MAL2: variants seen among roughly 807,000 people sequenced by gnomAD.
MAL2 encodes the protein mal, T cell differentiation protein 2, also known as protein MAL2.
In MAL2, 17 loss-of-function variants were observed where a neutral mutation model predicts 18.1. The ratio of observed to expected loss-of-function variants is 0.94; its 90% CI spans 0.64 to 1.41. MAL2 has a LOEUF of 1.41. MAL2 is among the 40% of genes most tolerant of loss of function. The pLI is 0.00. For synonymous variants in MAL2, 102 were observed against 102.3 expected (o/e 1.00, Z 0.02); for missense variants, 222 against 231.9 (o/e 0.96, Z 0.28).
chr8:119,239,940 A>G (rs1818011077), intron 2 of MAL2, among the ~76,000 whole-genome samples: 1 of 152,170 alleles, frequency 6.6e-6, no homozygotes, highest in African/African-American at 2.4e-5. Flanking sequence ...TATAAAATTC[A>G]GTATATGGAA....
At position 119,222,997 on chromosome 8, in the gene MAL2, A is replaced by G. The variant is rs537568279; in HGVS notation, c.303+1240A>G. On this transcript the variant is annotated intron_variant, in intron 2 of 3. Transcript: ENST00000614891. Reference sequence around the variant, plus strand: ...TCAGAGGATCACAGTGCTTCAGGGAAGTTCAGGAAGAACCCCCATTAGGTT... The same window carrying G: ...TCAGAGGATCACAGTGCTTCAGGGAGGTTCAGGAAGAACCCCCATTAGGTT... Among the ~76,000 whole-genome samples, 15 of 152,324 alleles carry G rather than the reference A, an allele frequency of 9.8e-5. No homozygotes were observed. In the South Asian group the frequency reaches 2.7e-3, roughly 27 times the overall value.
intron 2 of MAL2, among the ~76,000 whole-genome samples, chr8:119,228,721 CAG>C (rs1281412829): frequency 9.9e-5 from 15 of 152,266 alleles, no homozygotes; most frequent in Non-Finnish European, 8.8e-5. Flanking sequence ...GGCTCAAGCT[CAG>C]AGAGTCATAA....
chr8:119,238,578 A>C (rs28766987), intron 2 of MAL2, among the ~76,000 whole-genome samples: 1 of 148,474 alleles, frequency 6.7e-6, no homozygotes, highest in African/African-American at 2.5e-5. Context: ...CAAAACAGAG[A>C]TATAGATCAA....
At chr8:119,240,702 T>C (rs1031475250) in intron 3 of MAL2, among the ~76,000 whole-genome samples, 1 of 152,196 alleles carries the variant, frequency 6.6e-6, no homozygotes, top group African/African-American at 2.4e-5. Context: ...TTTATTTCTA[T>C]TGAATGAATA....
chr8:119,239,845 A>T (rs556944882), intron 2 of MAL2, among the ~76,000 whole-genome samples: 1 of 146,470 alleles, frequency 6.8e-6, no homozygotes, highest in Non-Finnish European at 1.5e-5. Flanking sequence ...AGCATGGCAC[A>T]TGTATACATA....
intron 1 of MAL2, among the ~76,000 whole-genome samples, chr8:119,210,090 T>G (rs1218060009): frequency 1.3e-5 from 2 of 152,206 alleles, no homozygotes. Context: ...TGTACTAGAA[T>G]TTACAGACAG....
chr8:119,232,138 C>G lies in MAL2; in HGVS notation c.304-8027C>G, dbSNP rs559307456. Among the ~76,000 whole-genome samples, 60 of 151,852 alleles carry G rather than the reference C, an allele frequency of 4.0e-4. 1 individual carries two copies. In the South Asian group the frequency reaches 0.012, roughly 30 times the overall value. ...TATTTATGTATATATAAATTAGCTC[C>G]ACTTAGCCATCCCACAATGTATAAA... On this transcript the variant is annotated intron_variant, in intron 2 of 3. Coordinates refer to ENST00000614891, the MANE Select transcript of MAL2 (RefSeq NM_052886.3).
chr8:119,238,528 C>G (rs1191510252), intron 2 of MAL2, among the ~76,000 whole-genome samples: 3 of 150,710 alleles, frequency 2.0e-5, no homozygotes, highest in South Asian at 4.2e-4. Flanking sequence ...TCAAACTATA[C>G]TACAAGGCTA....
Position 119,244,550 on chromosome 8 carries a change from A to G in MAL2, c.*1062A>G, listed in dbSNP as rs2468190. On this transcript the variant is annotated 3_prime_UTR_variant, in exon 4 of 4. Transcript: ENST00000614891. ...GTTTGCCCTGTGCATGAATATACCCATATTTGTGTGTGGATATGTGAAGCT... is the reference window on the plus strand; with the variant it reads ...GTTTGCCCTGTGCATGAATATACCCGTATTTGTGTGTGGATATGTGAAGCT... 2.6e-5 allele frequency: 4 copies of G among 152,088 alleles called. No individual in the cohort carries two copies. Among genetic ancestry groups the G allele is most frequent in the Non-Finnish European group, 5.9e-5 (4 of 68,022 alleles). The allele number at this position is 152,088 out of a possible 1,614,324, so 9.4% of individuals were successfully genotyped here.
chr8:119,221,784 T>C, intron 2 of MAL2, 27 bp downstream of exon 2: 1 of 1,608,640 alleles, frequency 6.2e-7, no homozygotes. Context: ...TTAAGTCTAT[T>C]GCAGGAAGAT....
intron 3 of MAL2, 105 bp downstream of exon 3, chr8:119,240,425 A>G: frequency 8.4e-7 from 1 of 1,192,336 alleles, no homozygotes; most frequent in African/African-American, 1.5e-5. Context: ...AATGCTAGCC[A>G]TTGGCATTAA....
chr8:119,243,690 T>C lies in MAL2; in HGVS notation c.*202T>C. On this transcript the variant is annotated 3_prime_UTR_variant, in exon 4 of 4. Transcript: ENST00000614891. The stretch of plus-strand genomic sequence containing the variant: ...TGATATTAAAGAAATGGCCTTTTAT[T>C]TTACATCTCTCCCCTTTTTCCCTTT... 2.5e-6 allele frequency: 1 copy of C among 399,908 alleles called. No homozygotes were observed. The highest frequency in any genetic ancestry group is 4.4e-6 in the Non-Finnish European group (1 of 226,508). The allele number at this position is 399,908 out of a possible 1,614,324, so 24.8% of individuals were successfully genotyped here. A position where few individuals can be genotyped will look rare whatever the true frequency, so the allele number is the denominator to read the frequency against.
intron 2 of MAL2, among the ~76,000 whole-genome samples, chr8:119,231,033 TA>T: frequency 6.6e-6 from 1 of 152,174 alleles, no homozygotes; most frequent in East Asian, 1.9e-4. Context: ...TTTTTTTTTT[TA>T]TTTTTTGTTT....
At chr8:119,232,284 T>G (rs897538847) in intron 2 of MAL2, among the ~76,000 whole-genome samples, 4 of 152,138 alleles carry the variant, frequency 2.6e-5, no homozygotes, top group African/African-American at 9.7e-5. Flanking sequence ...CACTACATGT[T>G]TTTCTTCCTC....
chr8:119,237,212 C>A (rs535148216), intron 2 of MAL2, among the ~76,000 whole-genome samples: 16 of 150,750 alleles, frequency 1.1e-4, no homozygotes, highest in African/African-American at 3.6e-4. Flanking sequence ...TTCCTCGACA[C>A]ATACACTCTC....
intron 2 of MAL2, among the ~76,000 whole-genome samples, chr8:119,235,767 C>T (rs945459665): frequency 4.8e-5 from 7 of 146,958 alleles, no homozygotes; most frequent in Non-Finnish European, 1.0e-4. Context: ...ACCACCAGGC[C>T]TGCCCTAAAA....
At position 119,221,589 on chromosome 8, in the gene MAL2, G is replaced by A. The variant is rs1198282555; in HGVS notation, c.135G>A (p.Leu45=). The A allele has an allele frequency of 1.2e-6, 2 of 1,613,634 alleles. No individual in the cohort carries two copies. The highest frequency in any genetic ancestry group is 1.3e-5 in the African/African-American group (1 of 74,872). The change falls in exon 2 of 4, where the codon CTG becomes CTA. Residue 45 remains leucine (L), a splice_region_variant and synonymous_variant. Coordinates refer to ENST00000614891, the MANE Select transcript of MAL2 (RefSeq NM_052886.3). The part of the protein sequence containing the change: ...YSGAFVCLEI[L]FGGLVWILVA... ...ATTACCCTCTTTTTCTCTTTCAGCT[G>A]TTCGGGGGTCTTGTCTGGATTTTGG...
chr8:119,210,836 G>A (rs913252093), intron 1 of MAL2, among the ~76,000 whole-genome samples: 1 of 152,130 alleles, frequency 6.6e-6, no homozygotes, highest in Non-Finnish European at 1.5e-5. Flanking sequence ...AACTCAATAA[G>A]TTTACATTTT....
Position 119,221,171 on chromosome 8 carries a change from G to A in MAL2, c.133-416G>A, listed in dbSNP as rs547856979. ...AAAAGCTGGTTTATAGTGATGTGAA[G>A]AGCAACTTCAAGGAGAGGAATTGGA... On this transcript the variant is annotated intron_variant, in intron 1 of 3. Transcript: ENST00000614891. 350 of 167,194 alleles carry A rather than the reference G, an allele frequency of 2.1e-3. 1 individual carries two copies. Among genetic ancestry groups the A allele is most frequent in the African/African-American group, 8.1e-3 (343 of 42,096 alleles). 10.4% of individuals were successfully genotyped at this position (167,194 alleles called of 1,614,324 possible). A position where few individuals can be genotyped will look rare whatever the true frequency, so the allele number is the denominator to read the frequency against.
Sources: gnomAD v4.1 joint callset for allele counts (sites outside exome capture counted in the v4.1 genomes callset) on GRCh38, gnomAD v4.1.1 for gene constraint, MANE v1.5 for transcripts, NCBI Gene and HGNC (gene_info 2026-07-23, HGNC 2026-07-21) for gene names.